The following SLC5A12 variants were observed in gnomAD, a reference collection of about 807,000 sequenced individuals.
SLC5A12 encodes the protein solute carrier family 5 member 12.
Under a neutral mutation model 72.7 loss-of-function variants are expected in SLC5A12, and 46 were observed. The observed-to-expected ratio is 0.63, with a 90% CI of 0.50 to 0.81. SLC5A12 has a LOEUF of 0.81. SLC5A12 is among the 30% of genes least tolerant of loss of function. The pLI, the probability that SLC5A12 is intolerant of heterozygous loss-of-function variation, is 0.00. For synonymous variants in SLC5A12, 275 were observed against 264.4 expected (o/e 1.04, Z -0.39); for missense variants, 683 against 740.7 (o/e 0.92, Z 0.90).
chr11:26,678,845 C>T (rs1854326334), intron 12 of SLC5A12, 30 bp from the exon 13 acceptor site: 1 of 1,490,528 alleles, frequency 6.7e-7, no homozygotes, highest in South Asian at 1.2e-5. Flanking sequence ...TCACCAATTC[C>T]ATGCATCCTA....
At chr11:26,706,480 G>T (rs762817244) in intron 4 of SLC5A12, among the ~76,000 whole-genome samples, 30 of 151,920 alleles carry the variant, frequency 2.0e-4, no homozygotes, top group Non-Finnish European at 4.0e-4. Context: ...AAAATATCTG[G>T]ATGTTTCTGA....
In SLC5A12 at chr11:26,698,550, A is replaced by G; in HGVS notation, c.822-15T>C. On this transcript the variant is annotated splice_polypyrimidine_tract_variant and intron_variant, in intron 6 of 14. Coordinates refer to ENST00000396005, the MANE Select transcript of SLC5A12 (RefSeq NM_178498.4). ...AATACAAGGCACTAGAAAAGAGCACATGGGCCTATTGGTAGCCTGTATACC... is the reference window on the plus strand; with the variant it reads ...AATACAAGGCACTAGAAAAGAGCACGTGGGCCTATTGGTAGCCTGTATACC... The G allele has an allele frequency of 6.2e-7, 1 of 1,613,662 alleles. No individual in the cohort carries two copies. The highest frequency in any genetic ancestry group is 1.1e-5 in the South Asian group (1 of 91,056).
At chr11:26,696,274 G>A (rs1854810042) in intron 8 of SLC5A12, among the ~76,000 whole-genome samples, 2 of 152,096 alleles carry the variant, frequency 1.3e-5, no homozygotes, top group Non-Finnish European at 2.9e-5. Context: ...ACTGTGTCTG[G>A]TATAATATAA....
intron 1 of SLC5A12, among the ~76,000 whole-genome samples, chr11:26,714,470 A>G (rs989511825): frequency 6.6e-6 from 1 of 152,150 alleles, no homozygotes; most frequent in East Asian, 1.9e-4. Flanking sequence ...CCTAAATAGT[A>G]GAATCTCATT....
chr11:26,723,361 C>T (rs979987107), upstream of SLC5A12: 5 of 151,442 alleles, frequency 3.3e-5, no homozygotes, highest in South Asian at 2.1e-4. Context: ...GTTTAAATTC[C>T]TCCACTAGAT....
At chr11:26,720,402 G>T (rs896929817) in intron 1 of SLC5A12, among the ~76,000 whole-genome samples, 2 of 151,878 alleles carry the variant, frequency 1.3e-5, no homozygotes, top group Non-Finnish European at 2.9e-5. Flanking sequence ...AGTATCTTAA[G>T]AGTAGATGCT....
At chr11:26,708,760 G>A (rs909834832) in intron 4 of SLC5A12, among the ~76,000 whole-genome samples, 1 of 151,998 alleles carries the variant, frequency 6.6e-6, no homozygotes, top group Non-Finnish European at 1.5e-5. Context: ...TAAACATGCT[G>A]TCAATACAAC....
Position 26,670,045 on chromosome 11 carries a change from C to T in SLC5A12, c.*1057G>A, listed in dbSNP as rs1854102556. 6.6e-6 allele frequency: 1 copy of T among 152,044 alleles called. No individual in the cohort carries two copies. The highest frequency in any genetic ancestry group is 1.5e-5 in the Non-Finnish European group (1 of 68,002). 9.4% of individuals were successfully genotyped at this position (152,044 alleles called of 1,614,324 possible). A position where few individuals can be genotyped will look rare whatever the true frequency, so the allele number is the denominator to read the frequency against. On this transcript the variant is annotated 3_prime_UTR_variant, in exon 15 of 15. Transcript: ENST00000396005. ...TCAACTCGCCTTTTAATCTGCAATA[C>T]CCTCATTCTCCAGAACTTTAAACAT...
intron 9 of SLC5A12, 143 bp from the exon 10 acceptor site, chr11:26,686,687 T>C: frequency 1.5e-6 from 1 of 673,004 alleles, no homozygotes; most frequent in Non-Finnish European, 2.6e-6. Flanking sequence ...CATTCAGCCA[T>C]CATCAGCCCC....
At chr11:26,678,483 G>A (rs1209641758) in intron 13 of SLC5A12, among the ~76,000 whole-genome samples, 6 of 151,898 alleles carry the variant, frequency 4.0e-5, no homozygotes, top group Non-Finnish European at 7.4e-5. Flanking sequence ...GGGTTCAAGC[G>A]ATTCTCCTGC....
In SLC5A12 at chr11:26,711,336, A is replaced by G. The variant is rs1394124277; in HGVS notation, c.428T>C (p.Val143Ala). ...VQTILYTGVV[V>A]YAPALALNQV... ...ATTGAGTGCCAGGGCAGGAGCATAC[A>G]CCACCACTCCTGTGTAGAGAATCTG... The change falls in exon 3 of 15, where the codon GTG (valine) becomes GCG (alanine). Residue 143 changes from valine to alanine, a missense_variant. Coordinates refer to ENST00000396005, the MANE Select transcript of SLC5A12 (RefSeq NM_178498.4). 6.2e-7 allele frequency: 1 copy of G among 1,611,766 alleles called. No homozygotes were observed. Among genetic ancestry groups the G allele is most frequent in the African/African-American group, 1.3e-5 (1 of 74,824 alleles).
chr11:26,702,688 A>G (rs1344109983), intron 6 of SLC5A12, among the ~76,000 whole-genome samples: 3 of 152,114 alleles, frequency 2.0e-5, no homozygotes, highest in African/African-American at 4.8e-5. Context: ...CAGACCAGGA[A>G]AGAGTCAGAG....
chr11:26,715,958 A>G (rs915476982), intron 1 of SLC5A12, among the ~76,000 whole-genome samples: 1 of 152,222 alleles, frequency 6.6e-6, no homozygotes, highest in African/African-American at 2.4e-5. Context: ...GTGAAAAACT[A>G]AAATTGTTAT....
In SLC5A12 at chr11:26,703,857, G is replaced by A. The variant is rs1855022239; in HGVS notation, c.616C>T (p.His206Tyr). 1 of 1,613,946 alleles carries A rather than the reference G, an allele frequency of 6.2e-7. No individual in the cohort carries two copies. Among genetic ancestry groups the A allele is most frequent in the African/African-American group, 1.3e-5 (1 of 75,018 alleles). ...FLTVLIQGST[H>Y]AGGFHNVLEQ... is the part of the protein sequence containing the mutation. ...AATACATTGTGGAATCCCCCAGCATGAGTTGATCCTTGAATGAGAACCGTT... is the reference window on the plus strand; with the variant it reads ...AATACATTGTGGAATCCCCCAGCATAAGTTGATCCTTGAATGAGAACCGTT... Residue 206 changes from histidine (H) to tyrosine (Y), a missense_variant, in exon 5 of 15, where the codon CAT becomes TAT. Transcript: ENST00000396005.
rs79821542 is a variant in SLC5A12, at chr11:26,690,485, G to T, written c.1153+2004C>A. Among the ~76,000 whole-genome samples, 411 of 151,532 alleles carry T rather than the reference G, an allele frequency of 2.7e-3. 2 individuals are homozygous for T. Among genetic ancestry groups the T allele is most frequent in the African/African-American group, 9.4e-3 (391 of 41,380 alleles). ...TTTTTAAAACTGAGGAATATTTAAA[G>T]AATAATGCTGGGAAAGTGAACTATA... On this transcript the variant is annotated intron_variant, in intron 9 of 14. Transcript: ENST00000396005.
intron 1 of SLC5A12, among the ~76,000 whole-genome samples, chr11:26,714,562 CAT>C (rs1855305401): frequency 6.6e-6 from 1 of 152,062 alleles, no homozygotes; most frequent in African/African-American, 2.4e-5. Flanking sequence ...ATATAATAAA[CAT>C]GTATTGAATA....
chr11:26,685,917 T>G (rs1854521466), intron 10 of SLC5A12, among the ~76,000 whole-genome samples: 1 of 152,200 alleles, frequency 6.6e-6, no homozygotes, highest in Non-Finnish European at 1.5e-5. Context: ...GAGTTCGGCT[T>G]GGATGATAGG....
chr11:26,673,250 G>T, intron 14 of SLC5A12, 152 bp downstream of exon 14: 2 of 849,748 alleles, frequency 2.4e-6, no homozygotes, highest in Non-Finnish European at 1.7e-6. Flanking sequence ...CTGATTAGCT[G>T]AGATAACTCT....
At chr11:26,682,436 CATGTTGAGA>C (rs1854431877) in intron 11 of SLC5A12, among the ~76,000 whole-genome samples, 1 of 152,012 alleles carries the variant, frequency 6.6e-6, no homozygotes, top group Non-Finnish European at 1.5e-5. Context: ...GCTGGAGAGC[CATGTTGAGA>C]CAGATTCTGA....
Sources: gnomAD v4.1 joint callset for allele counts (sites outside exome capture counted in the v4.1 genomes callset) on GRCh38, gnomAD v4.1.1 for gene constraint, MANE v1.5 for transcripts, NCBI Gene and HGNC (gene_info 2026-07-23, HGNC 2026-07-21) for gene names.